The following GRID2 variants were observed in gnomAD, a reference collection of about 807,000 sequenced individuals.
GRID2 encodes the protein glutamate receptor ionotropic, delta-2.
In GRID2, 33 loss-of-function variants were observed where a neutral mutation model predicts 114.8. The ratio of observed to expected loss-of-function variants is 0.29; its 90% CI spans 0.22 to 0.38. The LOEUF (loss-of-function observed/expected upper bound fraction) is 0.38, where lower values mean the gene tolerates loss of function less well. Ranked by LOEUF, GRID2 falls within the 10% of genes least tolerant of loss-of-function variation. The pLI, the probability that GRID2 is intolerant of heterozygous loss-of-function variation, is 1.00. For synonymous variants in GRID2, 505 were observed against 449.9 expected, an observed-to-expected ratio of 1.12 and a Z score of -1.55; for missense variants, 1,184 against 1,257.7, an observed-to-expected ratio of 0.94 and a Z score of 0.89.
chr4:92,621,643 A>G (rs1220713330), intron 2 of GRID2, among the ~76,000 whole-genome samples: 1 of 151,788 alleles, frequency 6.6e-6, no homozygotes, highest in Non-Finnish European at 1.5e-5. Flanking sequence ...CAGGGCAAAA[A>G]GCGAGACATC....
chr4:92,878,572 C>T (rs546038979), intron 2 of GRID2, among the ~76,000 whole-genome samples: 8 of 152,136 alleles, frequency 5.3e-5, no homozygotes, highest in Admixed American at 4.6e-4. Context: ...TAGGATATAC[C>T]GCTTGTTTAA....
chr4:92,440,046 G>A (rs192032056), intron 1 of GRID2, among the ~76,000 whole-genome samples: 2,295 of 146,210 alleles, frequency 0.016, 340 homozygotes, highest in Non-Finnish European at 0.025. Flanking sequence ...AGGAGCATCT[G>A]TACAGGAGCT....
intron 14 of GRID2, among the ~76,000 whole-genome samples, chr4:93,727,247 G>T (rs1439424520): frequency 1.3e-5 from 2 of 152,288 alleles, no homozygotes; most frequent in East Asian, 3.9e-4. Context: ...AGATAATCAT[G>T]TGGTTTTTGT....
rs114558291 is a variant in GRID2 at position 93,358,081 on chromosome 4, T to C, written c.1246-37526T>C. 9.7e-3 allele frequency among the ~76,000 whole-genome samples: 1,479 copies of C among 151,990 alleles called. 20 individuals are homozygous for C. The highest frequency in any genetic ancestry group is 0.034 in the African/African-American group (1,422 of 41,542). ...CTTTAAGATAGTTTCATTGGACTTA[T>C]CAAATTTGTAGATCAATTTTGGAGA... On this transcript the variant is annotated intron_variant, in intron 8 of 15. Transcript: ENST00000282020.
chr4:93,080,497 G>A (rs1183526305), intron 2 of GRID2, among the ~76,000 whole-genome samples: 1 of 152,162 alleles, frequency 6.6e-6, no homozygotes, highest in East Asian at 1.9e-4. Context: ...AACTATTCAG[G>A]TAACATTTCA....
chr4:93,030,176 A>G (rs1187427819), intron 2 of GRID2, among the ~76,000 whole-genome samples: 4 of 152,192 alleles, frequency 2.6e-5, no homozygotes, highest in Non-Finnish European at 5.9e-5. Flanking sequence ...ATAAAAATAC[A>G]TAACTATTTC....
intron 1 of GRID2, among the ~76,000 whole-genome samples, chr4:92,412,126 T>TG (rs1320064122): frequency 1.3e-5 from 2 of 151,966 alleles, no homozygotes; most frequent in African/African-American, 4.8e-5. Context: ...CCTGTGTGTG[T>TG]GTGTGTGTGT....
At position 92,518,873 on chromosome 4, in the gene GRID2, T is replaced by A. The variant is rs139855614; in HGVS notation, c.89-71258T>A. On this transcript the variant is annotated intron_variant, in intron 1 of 15. Coordinates refer to ENST00000282020, the MANE Select transcript of GRID2 (RefSeq NM_001510.4). The stretch of plus-strand genomic sequence containing the variant: ...CTTTGAAGCAAAGTATTATAAACTA[T>A]CTTGCCACATAGTTTATCACAAGTG... Among the ~76,000 whole-genome samples the A allele has an allele frequency of 4.8e-3, 737 of 151,986 alleles. 9 individuals carry two copies. The highest frequency in any genetic ancestry group is 0.017 in the African/African-American group (705 of 41,502).
intron 2 of GRID2, among the ~76,000 whole-genome samples, chr4:92,676,963 AC>A (rs1209442856): frequency 6.6e-6 from 1 of 152,222 alleles, no homozygotes. Context: ...AAATTCTGAC[AC>A]ATGCTAAAAT....
chr4:92,581,785 T>G (rs1344080455), intron 1 of GRID2, among the ~76,000 whole-genome samples: 5 of 152,110 alleles, frequency 3.3e-5, no homozygotes, highest in Non-Finnish European at 7.4e-5. Context: ...TAAAGGTGTC[T>G]GAATTATTAA....
chr4:92,441,800 T>C (rs1262111324), intron 1 of GRID2, among the ~76,000 whole-genome samples: 1 of 152,140 alleles, frequency 6.6e-6, no homozygotes, highest in East Asian at 1.9e-4. Context: ...AGGTATCTTA[T>C]ACTTGTGGGT....
chr4:93,075,946 C>T (rs1729246559), intron 2 of GRID2, among the ~76,000 whole-genome samples: 1 of 130,862 alleles, frequency 7.6e-6, no homozygotes, highest in East Asian at 2.4e-4. Flanking sequence ...CTCTGTCACC[C>T]AGGCTGAAGT....
At chr4:93,088,308 G>A (rs1191449278) in intron 3 of GRID2, among the ~76,000 whole-genome samples, 1 of 152,116 alleles carries the variant, frequency 6.6e-6, no homozygotes, top group Non-Finnish European at 1.5e-5. Context: ...AAATAGGTTA[G>A]GAAGTGTTCA....
chr4:93,726,097 C>T (rs1032785076), intron 14 of GRID2, among the ~76,000 whole-genome samples: 1 of 151,994 alleles, frequency 6.6e-6, no homozygotes, highest in East Asian at 1.9e-4. Flanking sequence ...AGGTTTTCTT[C>T]TAGGGTTTTT....
At chr4:93,746,911 T>C (rs2110270677) in intron 14 of GRID2, among the ~76,000 whole-genome samples, 1 of 152,270 alleles carries the variant, frequency 6.6e-6, no homozygotes. Flanking sequence ...ATAAGTGTTT[T>C]GGCAAATGTC....
chr4:93,030,616 C>A (rs112104084), intron 2 of GRID2, among the ~76,000 whole-genome samples: 2,563 of 152,000 alleles, frequency 0.017, 32 homozygotes, highest in East Asian at 0.053. Flanking sequence ...AACTCCTGAC[C>A]TCAAGCAATC....
chr4:93,624,005 A>C (rs1428692860), intron 13 of GRID2, among the ~76,000 whole-genome samples: 1 of 152,128 alleles, frequency 6.6e-6, no homozygotes, highest in African/African-American at 2.4e-5. Flanking sequence ...TGTTATGTCT[A>C]TACAGAAACT....
intron 2 of GRID2, among the ~76,000 whole-genome samples, chr4:92,910,130 T>C (rs955641520): frequency 1.3e-5 from 2 of 151,982 alleles, no homozygotes; most frequent in African/African-American, 4.8e-5. Flanking sequence ...ATGGATGATG[T>C]GGACATAATC....
intron 2 of GRID2, among the ~76,000 whole-genome samples, chr4:92,893,891 G>A (rs930844818): frequency 1.3e-5 from 2 of 152,114 alleles, no homozygotes; most frequent in Non-Finnish European, 2.9e-5. Context: ...TCCAAGTTCT[G>A]CATAAGTAAA....
Sources: allele counts gnomAD v4.1 joint callset (sites outside exome capture counted in the v4.1 genomes callset), GRCh38; gene constraint gnomAD v4.1.1; transcripts MANE v1.5; gene names NCBI Gene and HGNC (gene_info 2026-07-23, HGNC 2026-07-21).